The following CEP128 variants were observed in gnomAD, a reference collection of about 807,000 sequenced individuals.
CEP128 encodes centrosomal protein 128kDa.
In CEP128, 132 loss-of-function variants were observed where a neutral mutation model predicts 156.7. The observed-to-expected ratio is 0.84, with a 90% CI of 0.73 to 0.97. The LOEUF (loss-of-function observed/expected upper bound fraction) is 0.97, where lower values mean the gene tolerates loss of function less well. Among genes scored for constraint, CEP128 ranks in the 50% least tolerant of loss-of-function variants. The probability of loss-of-function intolerance (pLI) is 0.00; values close to 1 mark genes in which losing one functional copy is unlikely to be tolerated. For missense variants in CEP128, 1,252 were observed against 1,281.9 expected (o/e 0.98, Z 0.36); for synonymous variants, 469 against 448.9 (o/e 1.04, Z -0.57).
At chr14:80,865,132 C>A (rs566363775) in intron 8 of CEP128, among the ~76,000 whole-genome samples, 1 of 152,094 alleles carries the variant, frequency 6.6e-6, no homozygotes, top group Non-Finnish European at 1.5e-5. Flanking sequence ...TCTGCTTCTA[C>A]GAACTAGACT....
intron 3 of CEP128, 109 bp from the exon 4 acceptor site, chr14:80,914,517 T>G: frequency 1.3e-6 from 1 of 765,950 alleles, no homozygotes; most frequent in South Asian, 1.5e-5. Context: ...ATGTACAACT[T>G]TTATCATGGC....
chr14:80,591,171 T>C (rs1020520203), intron 19 of CEP128, among the ~76,000 whole-genome samples: 20 of 152,122 alleles, frequency 1.3e-4, no homozygotes, highest in African/African-American at 4.8e-4. Context: ...TAACCTTAAA[T>C]GTAAATGGGC....
intron 19 of CEP128, among the ~76,000 whole-genome samples, chr14:80,665,679 C>G (rs1307865984): frequency 6.6e-6 from 1 of 151,618 alleles, no homozygotes; most frequent in South Asian, 2.1e-4. Context: ...CCTAATCTCT[C>G]GGGGAGAAAT....
chr14:80,904,973 T>A lies in CEP128; in HGVS notation c.362-42A>T, dbSNP rs768577626. 26 of 1,114,340 alleles carry A rather than the reference T, an allele frequency of 2.3e-5. 1 individual carries two copies. The South Asian group carries it at 3.1e-4, about 13-fold the overall frequency. 69.0% of individuals were successfully genotyped at this position (1,114,340 alleles called of 1,614,324 possible). A position where few individuals can be genotyped will look rare whatever the true frequency, so the allele number is the denominator to read the frequency against. On this transcript the variant is annotated intron_variant, in intron 5 of 24. Coordinates refer to ENST00000555265, the MANE Select transcript of CEP128 (RefSeq NM_152446.5). ...AAAGGGAAGGTATTAAAATACTGCATGAGAAGAGACAATCTAAAATTTTAC... is the reference window on the plus strand; with the variant it reads ...AAAGGGAAGGTATTAAAATACTGCAAGAGAAGAGACAATCTAAAATTTTAC...
intron 19 of CEP128, among the ~76,000 whole-genome samples, chr14:80,658,725 T>G (rs892362622): frequency 1.3e-5 from 2 of 152,080 alleles, no homozygotes; most frequent in African/African-American, 2.4e-5. Context: ...TGAGAAGAAG[T>G]CCGGTTGATC....
intron 23 of CEP128, among the ~76,000 whole-genome samples, chr14:80,507,504 G>T (rs947052114): frequency 6.6e-6 from 1 of 152,204 alleles, no homozygotes; most frequent in Non-Finnish European, 1.5e-5. Flanking sequence ...TATAGATGGA[G>T]AAGAGGGTTA....
chr14:80,543,133 T>C (rs1049245777), intron 21 of CEP128, among the ~76,000 whole-genome samples: 2 of 152,232 alleles, frequency 1.3e-5, no homozygotes, highest in African/African-American at 2.4e-5. Flanking sequence ...TTTACCATTG[T>C]GGCATTGAGA....
chr14:80,756,995 A>C (rs1827258212), intron 17 of CEP128, 44 bp from the exon 18 acceptor site: 1 of 1,230,054 alleles, frequency 8.1e-7, no homozygotes, highest in Non-Finnish European at 1.2e-6. Context: ...TTTTTCTCTG[A>C]CATAAACATA....
At chr14:80,584,175 T>C (rs1202148354) in intron 19 of CEP128, among the ~76,000 whole-genome samples, 1 of 134,758 alleles carries the variant, frequency 7.4e-6, no homozygotes, top group East Asian at 2.4e-4. Context: ...TTTGACAGCG[T>C]CTCATCCGAT....
At position 80,627,740 on chromosome 14, in the gene CEP128, CTT is replaced by C. The variant is rs11287309; in HGVS notation, c.2807-47319_2807-47318del. On this transcript the variant is annotated intron_variant, in intron 19 of 24. Coordinates refer to ENST00000555265, the MANE Select transcript of CEP128 (RefSeq NM_152446.5). ...TTTATTTTTAATTAATTATTATTTTCTTTTTTTTTTTTTTTTGGCTCAGAAGG... is the reference window on the plus strand; with the variant it reads ...TTTATTTTTAATTAATTATTATTTTCTTTTTTTTTTTTTTGGCTCAGAAGG... 3.7e-3 allele frequency among the ~76,000 whole-genome samples: 485 copies of C among 129,506 alleles called. 4 individuals carry two copies. Among genetic ancestry groups the C allele is most frequent in the South Asian group, 0.017 (67 of 3,944 alleles). The allele number at this position is 129,506 out of a possible 152,430, so 85.0% of individuals were successfully genotyped here.
chr14:80,568,669 A>G (rs916775877), intron 20 of CEP128, among the ~76,000 whole-genome samples: 2 of 152,226 alleles, frequency 1.3e-5, no homozygotes, highest in Admixed American at 1.3e-4. Context: ...GACTGAGATT[A>G]AAACTATTAT....
intron 9 of CEP128, among the ~76,000 whole-genome samples, chr14:80,845,455 T>C (rs547052690): frequency 6.6e-6 from 1 of 152,264 alleles, no homozygotes; most frequent in South Asian, 2.1e-4. Flanking sequence ...ATCCGAGTAG[T>C]TTCCTCTCAA....
intron 15 of CEP128, among the ~76,000 whole-genome samples, chr14:80,779,783 C>T (rs982523363): frequency 6.6e-6 from 1 of 152,208 alleles, no homozygotes; most frequent in Non-Finnish European, 1.5e-5. Context: ...TAACAACTTA[C>T]TTATTGTTGT....
chr14:80,663,716 AC>A (rs1895494893), intron 19 of CEP128, among the ~76,000 whole-genome samples: 1 of 151,970 alleles, frequency 6.6e-6, no homozygotes, highest in South Asian at 2.1e-4. Context: ...CGTTTCCCTA[AC>A]CCCCCTACAA....
chr14:80,617,938 T>C (rs577583072), intron 19 of CEP128, among the ~76,000 whole-genome samples: 27 of 152,350 alleles, frequency 1.8e-4, no homozygotes, highest in Non-Finnish European at 3.2e-4. Context: ...ACCATGTAAG[T>C]TAGGGAATTA....
intron 19 of CEP128, among the ~76,000 whole-genome samples, chr14:80,617,217 A>ACCTTTTTTTT (rs1491470595): frequency 2.6e-4 from 11 of 43,128 alleles, no homozygotes; most frequent in East Asian, 1.3e-3. Context: ...TGTGAATATC[A>ACCTTTTTTTT]TCTTTTTTTT....
At chr14:80,732,265 T>C (rs1463464216) in intron 19 of CEP128, among the ~76,000 whole-genome samples, 1 of 152,072 alleles carries the variant, frequency 6.6e-6, no homozygotes, top group African/African-American at 2.4e-5. Context: ...AATGGAGTGG[T>C]AAAACAAAAA....
intron 19 of CEP128, among the ~76,000 whole-genome samples, chr14:80,735,544 AGG>A (rs1898487527): frequency 6.6e-6 from 1 of 152,228 alleles, no homozygotes; most frequent in Non-Finnish European, 1.5e-5. Context: ...CTTGATATAC[AGG>A]GAATCAAGTA....
At chr14:80,560,456 G>A (rs949460636) in intron 20 of CEP128, among the ~76,000 whole-genome samples, 5 of 151,892 alleles carry the variant, frequency 3.3e-5, no homozygotes, top group African/African-American at 1.2e-4. Context: ...AAGAACTAGA[G>A]GAAATATGTG....
Sources: allele counts gnomAD v4.1 joint callset (sites outside exome capture counted in the v4.1 genomes callset), GRCh38; gene constraint gnomAD v4.1.1; transcripts MANE v1.5; gene names NCBI Gene and HGNC (gene_info 2026-07-23, HGNC 2026-07-21).